Variants in TTC29 observed in about 807,000 individuals in gnomAD.
TTC29 encodes tetratricopeptide repeat domain 29.
A neutral mutation model predicts 58.1 loss-of-function variants in TTC29; 49 were observed. The observed-to-expected ratio is 0.84, with a 90% CI of 0.67 to 1.07. The LOEUF (loss-of-function observed/expected upper bound fraction) is 1.07. TTC29 is among the 50% of genes least tolerant of loss of function. TTC29 has a pLI of 0.00. For missense variants in TTC29, 582 were observed against 555.6 expected (o/e 1.05, Z -0.48); for synonymous variants, 209 against 196.8 (o/e 1.06, Z -0.52).
chr4:146,873,433 G>A (rs979327941), intron 7 of TTC29, among the ~76,000 whole-genome samples: 4 of 152,178 alleles, frequency 2.6e-5, no homozygotes, highest in Non-Finnish European at 5.9e-5. Context: ...TCTTTGGTAA[G>A]AGAGAGATAT....
At chr4:146,939,037 A>G (rs1418010268) in intron 3 of TTC29, among the ~76,000 whole-genome samples, 1 of 152,162 alleles carries the variant, frequency 6.6e-6, no homozygotes, top group Non-Finnish European at 1.5e-5. Context: ...TTGATGATGC[A>G]TTTTCAAGCC....
At chr4:146,906,525 C>T (rs771448822) in intron 5 of TTC29, among the ~76,000 whole-genome samples, 33 of 152,132 alleles carry the variant, frequency 2.2e-4, no homozygotes, top group Non-Finnish European at 3.4e-4. Context: ...ATATTCTAGG[C>T]TTACATACAC....
Position 146,846,466 on chromosome 4 carries a change from A to C in TTC29, c.886-12569T>G, listed in dbSNP as rs1259108445. Among the ~76,000 whole-genome samples, 4 of 152,176 alleles carry C rather than the reference A, an allele frequency of 2.6e-5. No individual in the cohort carries two copies. The South Asian group carries it at 6.2e-4, about 24-fold the overall frequency. On this transcript the variant is annotated intron_variant, in intron 8 of 12. Coordinates refer to ENST00000325106, the MANE Select transcript of TTC29 (RefSeq NM_031956.4). ...ACATTTTTTCTTCCATTTACTCTAG[A>C]GTAATAGGAGACAAATACAGTTTTT...
At chr4:146,871,324 A>G (rs1448104526) in intron 7 of TTC29, among the ~76,000 whole-genome samples, 1 of 151,930 alleles carries the variant, frequency 6.6e-6, no homozygotes, top group East Asian at 1.9e-4. Context: ...TTGGAATAGA[A>G]GGGAATTTTT....
intron 11 of TTC29, among the ~76,000 whole-genome samples, chr4:146,781,826 G>A (rs1262686364): frequency 6.6e-6 from 1 of 151,898 alleles, no homozygotes; most frequent in Non-Finnish European, 1.5e-5. Flanking sequence ...TGCACATGGA[G>A]TGCCTCTCTA....
At chr4:146,734,556 G>A (rs936213055) in intron 11 of TTC29, among the ~76,000 whole-genome samples, 6 of 152,114 alleles carry the variant, frequency 3.9e-5, no homozygotes, top group Admixed American at 1.3e-4. Context: ...AGGTGTCTGG[G>A]GGTGTGGGAG....
chr4:146,806,497 G>C (rs745684926), intron 10 of TTC29, among the ~76,000 whole-genome samples: 19 of 152,132 alleles, frequency 1.2e-4, no homozygotes, highest in Non-Finnish European at 2.2e-4. Flanking sequence ...CATCTCATGT[G>C]CAAAGGCACA....
At chr4:146,887,134 CT>C (rs896424954) in intron 6 of TTC29, among the ~76,000 whole-genome samples, 4 of 152,078 alleles carry the variant, frequency 2.6e-5, no homozygotes, top group Non-Finnish European at 5.9e-5. Context: ...TCTACAGACC[CT>C]CTGTACAACT....
intron 9 of TTC29, among the ~76,000 whole-genome samples, chr4:146,832,641 T>G (rs1252358646): frequency 2.7e-5 from 4 of 149,188 alleles, no homozygotes; most frequent in Admixed American, 1.3e-4. Context: ...CCAACTAATT[T>G]TGTGTGTGTG....
rs973865943 is a variant in TTC29 at position 146,852,165 on chromosome 4, C to A, written c.885+15333G>T. On this transcript the variant is annotated intron_variant, in intron 8 of 12. Coordinates refer to ENST00000325106, the MANE Select transcript of TTC29 (RefSeq NM_031956.4). The stretch of plus-strand genomic sequence containing the variant: ...TTCTCCAAACTGTGCTGATTCCCAA[C>A]TGGTCCAGCAGCAGAGGGGCGATTT... 2.0e-5 allele frequency among the ~76,000 whole-genome samples: 3 copies of A among 152,212 alleles called. No individual in the cohort carries two copies. The East Asian group carries it at 5.8e-4, about 29-fold the overall frequency.
rs147962759 is a variant in TTC29 at position 146,882,935 on chromosome 4, GCT to G, written c.587-8009_587-8008del. On this transcript the variant is annotated intron_variant, in intron 6 of 12. Transcript: ENST00000325106. The stretch of plus-strand genomic sequence containing the variant: ...TGTGCCAGGCGTGACACTAGCTGCT[GCT>G]CTCTCTCTCTCTCTCTGTGTGTGTG... Among the ~76,000 whole-genome samples, 348 of 149,748 alleles carry G rather than the reference GCT, an allele frequency of 2.3e-3. 1 individual carries two copies. The highest frequency in any genetic ancestry group is 7.7e-3 in the African/African-American group (315 of 41,090).
intron 11 of TTC29, among the ~76,000 whole-genome samples, chr4:146,797,389 T>A (rs1248666811): frequency 6.6e-6 from 1 of 152,240 alleles, no homozygotes; most frequent in Non-Finnish European, 1.5e-5. Flanking sequence ...ATGAATCCCT[T>A]TTCCTTCAGT....
At chr4:146,863,709 A>G (rs1322803184) in intron 8 of TTC29, among the ~76,000 whole-genome samples, 1 of 152,194 alleles carries the variant, frequency 6.6e-6, no homozygotes, top group African/African-American at 2.4e-5. Context: ...CATAAACTGC[A>G]TGCCCAGGAG....
Position 146,855,936 on chromosome 4 carries a change from TC to T in TTC29, c.885+11561del, listed in dbSNP as rs1266845433. On this transcript the variant is annotated intron_variant, in intron 8 of 12. Transcript: ENST00000325106. ...TCTAGGTGTAATGCCTCTTCTTCTTTCGCAGCCTCTAGATCAACGAGTGCTA... is the reference window on the plus strand; with the variant it reads ...TCTAGGTGTAATGCCTCTTCTTCTTTGCAGCCTCTAGATCAACGAGTGCTA... Among the ~76,000 whole-genome samples, 4 of 152,344 alleles carry T rather than the reference TC, an allele frequency of 2.6e-5. No individual in the cohort carries two copies. The South Asian group carries it at 8.3e-4, about 32-fold the overall frequency.
intron 10 of TTC29, 52 bp downstream of exon 10, chr4:146,820,073 T>G: frequency 1.2e-6 from 2 of 1,600,648 alleles, no homozygotes; most frequent in Non-Finnish European, 1.7e-6. Context: ...AATGGGAAAT[T>G]TCTCCCTAAA....
At position 146,707,570 on chromosome 4, in the gene TTC29, A is replaced by AAGTT. The variant is rs1742060127; in HGVS notation, c.1331-23_1331-20dup. 1 of 1,531,174 alleles carries AAGTT rather than the reference A, an allele frequency of 6.5e-7. No individual in the cohort carries two copies. Among genetic ancestry groups the AAGTT allele is most frequent in the Non-Finnish European group, 8.9e-7 (1 of 1,119,082 alleles). The allele number at this position is 1,531,174 out of a possible 1,614,324, so 94.8% of individuals were successfully genotyped here. On this transcript the variant is annotated intron_variant, in intron 11 of 12. Transcript: ENST00000325106. ...AACTCTTCTAAAAAAAAAATACACAAAGTTAATAGATTATCATGAACACAG... is the reference window on the plus strand; with the variant it reads ...AACTCTTCTAAAAAAAAAATACACAAAGTTAGTTAATAGATTATCATGAACACAG...
Position 146,809,898 on chromosome 4 carries a change from C to A in TTC29, c.1102-6213G>T, listed in dbSNP as rs945660611. 5.8e-5 allele frequency among the ~76,000 whole-genome samples: 8 copies of A among 136,816 alleles called. 1 individual carries two copies. The highest frequency in any genetic ancestry group is 1.6e-4 in the Admixed American group (2 of 12,168). The allele number at this position is 136,816 out of a possible 152,430, so 89.8% of individuals were successfully genotyped here. A position where few individuals can be genotyped will look rare whatever the true frequency, so the allele number is the denominator to read the frequency against. On this transcript the variant is annotated intron_variant, in intron 10 of 12. Coordinates refer to ENST00000325106, the MANE Select transcript of TTC29 (RefSeq NM_031956.4). ...GAACCAGAAATACCATTTGACCCAG[C>A]AATCCCATTACTGGGTATATTCCCC...
At chr4:146,803,376 T>G in intron 11 of TTC29, 81 bp downstream of exon 11, 1 of 1,018,240 alleles carries the variant, frequency 9.8e-7, no homozygotes, top group Non-Finnish European at 1.4e-6. Context: ...CACCGACATT[T>G]GAGTGAAACT....
chr4:146,738,462 A>G (rs1744882969), intron 11 of TTC29, among the ~76,000 whole-genome samples: 1 of 152,144 alleles, frequency 6.6e-6, no homozygotes, highest in Non-Finnish European at 1.5e-5. Flanking sequence ...CCTGAGAGAC[A>G]TCCATATAGT....
Sources: allele counts gnomAD v4.1 joint callset (sites outside exome capture counted in the v4.1 genomes callset), GRCh38; gene constraint gnomAD v4.1.1; transcripts MANE v1.5; gene names NCBI Gene and HGNC (gene_info 2026-07-23, HGNC 2026-07-21).